The following SHPK variants were observed in gnomAD, a reference collection of about 807,000 sequenced individuals.
SHPK encodes sedoheptulokinase, also known as carbohydrate kinase-like protein.
Under a neutral mutation model 46.3 loss-of-function variants are expected in SHPK, and 51 were observed. That is an observed-to-expected ratio of 1.10 (90% CI 0.88 to 1.39). The LOEUF is 1.39. SHPK is among the 40% of genes most tolerant of loss of function. The pLI, the probability that SHPK is intolerant of heterozygous loss-of-function variation, is 0.00. For synonymous variants in SHPK, 290 were observed against 273.9 expected (o/e 1.06, Z -0.58); for missense variants, 668 against 641.3 (o/e 1.04, Z -0.45).
intron 1 of SHPK, among the ~76,000 whole-genome samples, chr17:3,631,737 G>T (rs1023686656): frequency 8.6e-5 from 13 of 151,458 alleles, no homozygotes; most frequent in Admixed American, 2.6e-4. Context: ...TGGCCAGGCT[G>T]GTCTCAAACT....
At position 3,635,917 on chromosome 17, in the gene SHPK, G is replaced by A. The variant is rs2075520364; in HGVS notation, c.168+135C>T. 10 of 864,348 alleles carry A rather than the reference G, an allele frequency of 1.2e-5. No homozygotes were observed. In the East Asian group the frequency reaches 2.0e-4, roughly 18 times the overall value. 53.5% of individuals were successfully genotyped at this position (864,348 alleles called of 1,614,324 possible). A position where few individuals can be genotyped will look rare whatever the true frequency, so the allele number is the denominator to read the frequency against. ...ATGAGCACAGCTGCTGCAGGCAGACGGGCCCCTGGAGAAGCTGGGGACAAG... is the reference window on the plus strand; with the variant it reads ...ATGAGCACAGCTGCTGCAGGCAGACAGGCCCCTGGAGAAGCTGGGGACAAG... On this transcript the variant is annotated intron_variant, in intron 1 of 6. Coordinates refer to ENST00000225519, the MANE Select transcript of SHPK (RefSeq NM_013276.4).
intron 5 of SHPK, among the ~76,000 whole-genome samples, chr17:3,620,551 C>A (rs2075394376): frequency 6.6e-6 from 1 of 151,444 alleles, no homozygotes; most frequent in East Asian, 2.0e-4. Flanking sequence ...CAGGCATGAG[C>A]CACTGCGCCC....
rs112075388 is a variant in SHPK, at chr17:3,621,169, G to A, written c.823+68C>T. The A allele has an allele frequency of 9.1e-4, 1,214 of 1,338,932 alleles. 10 individuals carry two copies. The African/African-American group carries it at 0.015, about 16-fold the overall frequency. 82.9% of individuals were successfully genotyped at this position (1,338,932 alleles called of 1,614,324 possible). ...TAAGCTCTGTGTGCCCTGCAGACTCGCACAGAGCTGGTGCTTATGAGGCAG... is the reference window on the plus strand; with the variant it reads ...TAAGCTCTGTGTGCCCTGCAGACTCACACAGAGCTGGTGCTTATGAGGCAG... On this transcript the variant is annotated intron_variant, in intron 5 of 6. Transcript: ENST00000225519.
At chr17:3,619,132 AT>A (rs887228266) in intron 5 of SHPK, 65 of 282,190 alleles carry the variant, frequency 2.3e-4, no homozygotes, top group East Asian at 3.6e-4. Flanking sequence ...TTAAATTGTT[AT>A]TTTTTTTTCT....
intron 1 of SHPK, among the ~76,000 whole-genome samples, chr17:3,631,522 T>TTTC: frequency 8.4e-6 from 1 of 118,628 alleles, no homozygotes; most frequent in Non-Finnish European, 1.8e-5. Flanking sequence ...CTTTTTTTTT[T>TTTC]TTTTTTTTTT....
chr17:3,628,418 G>A (rs2075451186), intron 2 of SHPK, among the ~76,000 whole-genome samples: 1 of 151,736 alleles, frequency 6.6e-6, no homozygotes, highest in Non-Finnish European at 1.5e-5. Context: ...TGCCTCCCGG[G>A]TTCAAGTGAT....
chr17:3,631,083 G>A lies in SHPK; in HGVS notation c.169-737C>T, dbSNP rs571602396. The stretch of plus-strand genomic sequence containing the variant: ...TCTCGCTTGCCCCTGTCAGCCTGCG[G>A]CCTTGGTCAGGGGCAGCTCTTGGCT... On this transcript the variant is annotated intron_variant, in intron 1 of 6. Coordinates refer to ENST00000225519, the MANE Select transcript of SHPK (RefSeq NM_013276.4). Among the ~76,000 whole-genome samples, 4 of 152,196 alleles carry A rather than the reference G, an allele frequency of 2.6e-5. No homozygotes were observed. The East Asian group carries it at 7.7e-4, about 29-fold the overall frequency.
At chr17:3,630,563 A>G (rs932655129) in intron 1 of SHPK, among the ~76,000 whole-genome samples, 2 of 152,272 alleles carry the variant, frequency 1.3e-5, no homozygotes, top group South Asian at 2.1e-4. Context: ...TGTGCTATAA[A>G]TAGAAGAAAT....
At chr17:3,623,136 C>T (rs1286598558) in intron 4 of SHPK, among the ~76,000 whole-genome samples, 4 of 152,166 alleles carry the variant, frequency 2.6e-5, no homozygotes, top group Non-Finnish European at 5.9e-5. Context: ...GGCTGAGGCC[C>T]CTACCCAAGG....
intron 4 of SHPK, 135 bp downstream of exon 4, chr17:3,623,204 G>A (rs1597573445): frequency 1.1e-6 from 1 of 944,070 alleles, no homozygotes; most frequent in East Asian, 2.5e-5. Context: ...ACAGGCCAGG[G>A]GCACTGGACC....
Position 3,621,333 on chromosome 17 carries a change from TG to T in SHPK, c.726del (p.His242GlnfsTer100). ...GTCCCCTTTGGGATTTCAAACCACA[TG>T]TGGGAAGTTCTGCCCGCCACACTGC... ...EPGSVAGRTSHMWFEIPKGTQ... is the reference protein window; with the variant it reads ...EPGSVAGRTSXMWFEIPKGTQ... On this transcript the variant is annotated frameshift_variant, in exon 5 of 7. Transcript: ENST00000225519. LOFTEE classifies it high-confidence loss of function. The T allele has an allele frequency of 1.9e-6, 3 of 1,614,102 alleles. No homozygotes were observed. Among genetic ancestry groups the T allele is most frequent in the Non-Finnish European group, 2.5e-6 (3 of 1,179,974 alleles).
chr17:3,624,167 G>C lies in SHPK; in HGVS notation c.375C>G (p.Val125=). The change falls in exon 3 of 7, where the codon GTC becomes GTG. Residue 125 remains valine, a synonymous_variant. Transcript: ENST00000225519. Reference sequence around the variant, plus strand: ...TGCTACATCGGCCATCCTGCCACGTGACCAGGTGGCTAACAGCTCGGGGCT... The same window carrying C: ...TGCTACATCGGCCATCCTGCCACGTCACCAGGTGGCTAACAGCTCGGGGCT... ...VFEPRAVSHL[V]TWQDGRCSSE... is the part of the protein sequence containing the mutation. 6.2e-7 allele frequency: 1 copy of C among 1,614,188 alleles called. No homozygotes were observed. The highest frequency in any genetic ancestry group is 8.5e-7 in the Non-Finnish European group (1 of 1,180,018).
chr17:3,622,527 G>A, intron 4 of SHPK: 1 of 942,906 alleles, frequency 1.1e-6, no homozygotes, highest in Non-Finnish European at 1.3e-6. Context: ...CACACAACAT[G>A]CTGGAAAGTC....
In SHPK at chr17:3,620,849, G is replaced by A. The variant is rs193104202; in HGVS notation, c.823+388C>T. ...GCTGGGATTACAGGCGTGAGCCACC[G>A]CGCCCAGCCTATCCTGCACTTCTAA... On this transcript the variant is annotated intron_variant, in intron 5 of 6. Transcript: ENST00000225519. Among the ~76,000 whole-genome samples, 37 of 152,304 alleles carry A rather than the reference G, an allele frequency of 2.4e-4. 1 individual carries two copies. In the East Asian group the frequency reaches 5.2e-3, roughly 21 times the overall value.
Position 3,610,285 on chromosome 17 carries a change from G to A in SHPK, c.*275C>T. ...GCTGACCAGCAGGCTGGGCTACTGTGCTCTCATGCTCTCTCTCTCCCACAT... is the reference window on the plus strand; with the variant it reads ...GCTGACCAGCAGGCTGGGCTACTGTACTCTCATGCTCTCTCTCTCCCACAT... On this transcript the variant is annotated 3_prime_UTR_variant, in exon 7 of 7. Transcript: ENST00000225519. The A allele has an allele frequency of 2.4e-6, 1 of 411,632 alleles. No individual in the cohort carries two copies. The highest frequency in any genetic ancestry group is 4.5e-6 in the Non-Finnish European group (1 of 222,680). The allele number at this position is 411,632 out of a possible 1,614,324, so 25.5% of individuals were successfully genotyped here.
rs1403764850 is a variant in SHPK, at chr17:3,615,321, G to A, written c.1024+16C>T. The A allele has an allele frequency of 6.2e-7, 1 of 1,613,184 alleles. No individual in the cohort carries two copies. Among genetic ancestry groups the A allele is most frequent in the Middle Eastern group, 1.7e-4 (1 of 6,058 alleles). ...GGACAGGCAGAGAACACAGCGCTGTGTGGGCCACACCTTACCTAGATCTGC... is the reference window on the plus strand; with the variant it reads ...GGACAGGCAGAGAACACAGCGCTGTATGGGCCACACCTTACCTAGATCTGC... On this transcript the variant is annotated intron_variant, in intron 6 of 6. Coordinates refer to ENST00000225519, the MANE Select transcript of SHPK (RefSeq NM_013276.4).
rs2075367211 is a variant in SHPK at position 3,615,537 on chromosome 17, A to G, written c.824T>C (p.Val275Ala). The G allele has an allele frequency of 6.2e-7, 1 of 1,614,040 alleles. No homozygotes were observed. Among genetic ancestry groups the G allele is most frequent in the Non-Finnish European group, 8.5e-7 (1 of 1,179,920 alleles). ...CTGAACCGAGGTGCTGATGTTGAGAACTGGGGTCCGAAGAGAGCAGAGCTT... is the reference window on the plus strand; with the variant it reads ...CTGAACCGAGGTGCTGATGTTGAGAGCTGGGGTCCGAAGAGAGCAGAGCTT... Reference protein sequence around the residue: ...YSCMAQRTDAVLNISTSVQLA... With the variant: ...YSCMAQRTDAALNISTSVQLA... The change falls in exon 6 of 7, where the codon GTT (valine) becomes GCT (alanine). Residue 275 changes from valine (V) to alanine (A), a missense_variant and splice_region_variant. Physicochemically the swap from Val to Ala is moderately conservative, Grantham distance 64. Transcript: ENST00000225519.
rs1257364546 is a variant in SHPK at position 3,610,676 on chromosome 17, T to C, written c.1321A>G (p.Lys441Glu). Reference sequence around the variant, plus strand: ...GGGAAAGCCCTCTGCACCTCCTGCTTCAGCACGTCATTCCTGGACAGCGCA... The same window carrying C: ...GGGAAAGCCCTCTGCACCTCCTGCTCCAGCACGTCATTCCTGGACAGCGCA... The part of the protein sequence containing the change: ...GSALSRNDVL[K>E]QEVQRAFPLP... Residue 441 changes from lysine (K) to glutamate (E), a missense_variant, in exon 7 of 7, where the codon AAG becomes GAG. Coordinates refer to ENST00000225519, the MANE Select transcript of SHPK (RefSeq NM_013276.4). The C allele has an allele frequency of 6.2e-7, 1 of 1,614,104 alleles. No homozygotes were observed. Among genetic ancestry groups the C allele is most frequent in the Non-Finnish European group, 8.5e-7 (1 of 1,180,028 alleles).
At position 3,609,191 on chromosome 17, in the gene SHPK, T is replaced by C. The variant is rs553595125; in HGVS notation, c.*1369A>G. On this transcript the variant is annotated 3_prime_UTR_variant, in exon 7 of 7. Coordinates refer to ENST00000225519, the MANE Select transcript of SHPK (RefSeq NM_013276.4). ...GGGAGCCAACATGCCCGGCCAAGAA[T>C]GGGCTTTAGTATCTGACATTTGGCC... 6.6e-6 allele frequency: 1 copy of C among 152,302 alleles called. No homozygotes were observed. The highest frequency in any genetic ancestry group is 6.5e-5 in the Admixed American group (1 of 15,294). 9.4% of individuals were successfully genotyped at this position (152,302 alleles called of 1,614,324 possible).
Sources: gnomAD v4.1 joint callset for allele counts (sites outside exome capture counted in the v4.1 genomes callset) on GRCh38, gnomAD v4.1.1 for gene constraint, MANE v1.5 for transcripts, NCBI Gene and HGNC (gene_info 2026-07-23, HGNC 2026-07-21) for gene names.